The following CPEB1 variants were observed in gnomAD, a reference collection of about 807,000 sequenced individuals.
CPEB1 encodes cytoplasmic polyadenylation element binding protein 1.
Under a neutral mutation model 65.8 loss-of-function variants are expected in CPEB1, and 7 were observed. The observed-to-expected ratio is 0.11, with a 90% CI of 0.06 to 0.20. CPEB1 has a LOEUF of 0.20. Among genes scored for constraint, CPEB1 ranks in the 10% least tolerant of loss-of-function variants. CPEB1 has a pLI of 1.00. For synonymous variants in CPEB1, 262 were observed against 260.0 expected (o/e 1.01, Z -0.08); for missense variants, 551 against 712.2 (o/e 0.77, Z 2.58).
chr15:82,626,041 AC>A (rs1274403410), intron 3 of CPEB1, among the ~76,000 whole-genome samples: 1 of 151,668 alleles, frequency 6.6e-6, no homozygotes, highest in Non-Finnish European at 1.5e-5. Flanking sequence ...AATTGCTTGA[AC>A]CCAGGAGGCA....
intron 3 of CPEB1, among the ~76,000 whole-genome samples, chr15:82,610,518 A>G (rs1003352299): frequency 3.3e-5 from 5 of 151,990 alleles, no homozygotes; most frequent in African/African-American, 7.2e-5. Context: ...TTGGTTCATT[A>G]TAAGAAAAAA....
At chr15:82,641,928 T>C (rs1313552772) in intron 1 of CPEB1, among the ~76,000 whole-genome samples, 1 of 152,182 alleles carries the variant, frequency 6.6e-6, no homozygotes, top group East Asian at 1.9e-4. Flanking sequence ...AAATGACACC[T>C]AATAAAATTC....
chr15:82,580,346 A>G (rs1596059489), intron 3 of CPEB1, among the ~76,000 whole-genome samples: 2 of 151,896 alleles, frequency 1.3e-5, no homozygotes, highest in East Asian at 3.9e-4. Flanking sequence ...AAGAAGAAGA[A>G]AAAAGAAATA....
intron 3 of CPEB1, among the ~76,000 whole-genome samples, chr15:82,610,819 A>G (rs2044058320): frequency 6.6e-6 from 1 of 151,496 alleles, no homozygotes; most frequent in Non-Finnish European, 1.5e-5. Context: ...TTAGCCTGGC[A>G]TGGTGGCGCA....
intron 3 of CPEB1, among the ~76,000 whole-genome samples, chr15:82,576,592 T>C (rs141568732): frequency 2.0e-5 from 3 of 152,352 alleles, no homozygotes; most frequent in Non-Finnish European, 4.4e-5. Flanking sequence ...ATCTAGGTGG[T>C]ATTACAGGTG....
At chr15:82,606,623 C>T (rs1268468137) in intron 3 of CPEB1, among the ~76,000 whole-genome samples, 1 of 109,756 alleles carries the variant, frequency 9.1e-6, no homozygotes, top group African/African-American at 3.7e-5. Flanking sequence ...TCGAGACCAT[C>T]CCGGCTAAAA....
intron 10 of CPEB1, 37 bp from the exon 11 acceptor site, chr15:82,547,274 T>G: frequency 9.1e-7 from 1 of 1,094,624 alleles, no homozygotes; most frequent in Non-Finnish European, 1.3e-6. Context: ...TCTAACCAAA[T>G]TCTCCCAAAT....
At chr15:82,628,081 T>C in intron 2 of CPEB1, 1 of 636,212 alleles carries the variant, frequency 1.6e-6, no homozygotes, top group South Asian at 1.9e-5. Context: ...GGATTGTTAA[T>C]GCTGTGGAAG....
chr15:82,618,621 A>C (rs1457926332), intron 3 of CPEB1, among the ~76,000 whole-genome samples: 2 of 152,200 alleles, frequency 1.3e-5, no homozygotes, highest in African/African-American at 4.8e-5. Context: ...TCAAATGTCC[A>C]AAACCTGAAA....
In CPEB1 at chr15:82,612,026, C is replaced by T. The variant is rs890763588; in HGVS notation, c.271+15167G>A. ...GAGATCGAGACCATCCTGGCTAACA[C>T]GGTGAAACCCTGTCTCCACTAAAAA... On this transcript the variant is annotated intron_variant, in intron 3 of 12. Transcript: ENST00000684509. 6.0e-5 allele frequency among the ~76,000 whole-genome samples: 9 copies of T among 150,680 alleles called. No homozygotes were observed. The East Asian group carries it at 9.7e-4, about 16-fold the overall frequency.
At chr15:82,586,074 T>A (rs1164946013) in intron 3 of CPEB1, among the ~76,000 whole-genome samples, 1 of 152,146 alleles carries the variant, frequency 6.6e-6, no homozygotes, top group Non-Finnish European at 1.5e-5. Context: ...AGCAAGGTGC[T>A]AGGAAGGAAA....
At chr15:82,647,443 G>A, upstream of CPEB1, 1 of 165,144 alleles carries the variant, frequency 6.1e-6, no homozygotes, top group Non-Finnish European at 1.3e-5. Context: ...AGACCCGCAG[G>A]GGGCGTGAGC....
intron 3 of CPEB1, chr15:82,573,065 G>A (rs936691075): frequency 5.9e-6 from 9 of 1,535,562 alleles, no homozygotes; most frequent in Non-Finnish European, 7.0e-6. Flanking sequence ...GTTGCAAGGA[G>A]AAGCAAGCAG....
chr15:82,560,377 T>C (rs557970378), intron 4 of CPEB1, among the ~76,000 whole-genome samples: 60 of 151,416 alleles, frequency 4.0e-4, no homozygotes, highest in Non-Finnish European at 7.1e-4. Flanking sequence ...CTAGGTTAAA[T>C]AGTTTTTATC....
chr15:82,646,746 G>C (rs1479571001), intron 1 of CPEB1, among the ~76,000 whole-genome samples: 1 of 152,190 alleles, frequency 6.6e-6, no homozygotes, highest in Non-Finnish European at 1.5e-5. Context: ...AGCCTCGGTC[G>C]ACTCGACCGC....
chr15:82,646,696 C>T (rs928432276), intron 1 of CPEB1, among the ~76,000 whole-genome samples: 1 of 152,234 alleles, frequency 6.6e-6, no homozygotes, highest in African/African-American at 2.4e-5. Flanking sequence ...GCTCACAGAG[C>T]CTTCTGGTCT....
At chr15:82,584,852 C>CAATAGTT (rs1029555786) in intron 3 of CPEB1, among the ~76,000 whole-genome samples, 3 of 121,886 alleles carry the variant, frequency 2.5e-5, no homozygotes, top group African/African-American at 9.7e-5. Context: ...AAAATGTTAA[C>CAATAGTT]AATAGTTATT....
intron 3 of CPEB1, chr15:82,573,033 C>T (rs1345572576): frequency 9.1e-6 from 14 of 1,534,304 alleles, no homozygotes; most frequent in African/African-American, 1.4e-5. Context: ...GCTGGTAGCA[C>T]TCCACCTGCT....
chr15:82,555,221 A>G (rs1290819122), intron 6 of CPEB1, among the ~76,000 whole-genome samples: 2 of 152,258 alleles, frequency 1.3e-5, no homozygotes, highest in African/African-American at 4.8e-5. Flanking sequence ...GGGTCTTGCT[A>G]TGTTTCCCAG....
Sources: gnomAD v4.1 joint callset for allele counts (sites outside exome capture counted in the v4.1 genomes callset) on GRCh38, gnomAD v4.1.1 for gene constraint, MANE v1.5 for transcripts, NCBI Gene and HGNC (gene_info 2026-07-23, HGNC 2026-07-21) for gene names.